Variants in SNX8 observed in about 807,000 individuals in gnomAD.
The protein encoded by SNX8 is sorting nexin 8.
A neutral mutation model predicts 51.6 loss-of-function variants in SNX8; 25 were observed. That is an observed-to-expected ratio of 0.48 (90% CI 0.35 to 0.68). SNX8 has a LOEUF of 0.68. Ranked by LOEUF, SNX8 falls within the 30% of genes least tolerant of loss-of-function variation. SNX8 has a pLI of 0.00. For synonymous variants in SNX8, 324 were observed against 277.0 expected (o/e 1.17, Z -1.68); for missense variants, 695 against 624.0 (o/e 1.11, Z -1.21).
intron 1 of SNX8, among the ~76,000 whole-genome samples, chr7:2,296,611 C>T (rs556214478): frequency 6.6e-6 from 1 of 151,958 alleles, no homozygotes. Context: ...TATTTAATAC[C>T]TTATTTAATG....
intron 1 of SNX8, among the ~76,000 whole-genome samples, chr7:2,286,577 G>A (rs1796034053): frequency 6.6e-6 from 1 of 150,736 alleles, no homozygotes; most frequent in Non-Finnish European, 1.5e-5. Flanking sequence ...GAGTGCAGTG[G>A]CACGATCTCG....
chr7:2,263,441 A>C, intron 6 of SNX8, 79 bp from the exon 7 acceptor site: 1 of 1,406,792 alleles, frequency 7.1e-7, no homozygotes, highest in South Asian at 1.3e-5. Flanking sequence ...ATCCCCCCCG[A>C]CAGATGTCCT....
chr7:2,322,095 T>G (rs929538751), intron 1 of SNX8, among the ~76,000 whole-genome samples: 1 of 152,210 alleles, frequency 6.6e-6, no homozygotes, highest in African/African-American at 2.4e-5. Flanking sequence ...TAATCTGTTT[T>G]TTTGATTCAC....
chr7:2,350,222 G>C (rs1779110541), intron 1 of SNX8, among the ~76,000 whole-genome samples: 1 of 152,134 alleles, frequency 6.6e-6, no homozygotes, highest in South Asian at 2.1e-4. Context: ...ACTCCCCCAA[G>C]CCTGCGAGGT....
intron 1 of SNX8, chr7:2,309,658 G>A: frequency 2.5e-6 from 1 of 392,606 alleles, no homozygotes; most frequent in Non-Finnish European, 5.3e-6. Context: ...TTGAACCCGG[G>A]AGGAGGAGGT....
At chr7:2,278,404 G>T in intron 1 of SNX8, 99 bp from the exon 2 acceptor site, 2 of 707,434 alleles carry the variant, frequency 2.8e-6, no homozygotes, top group Non-Finnish European at 4.6e-6. Context: ...AGCACTTTGG[G>T]AGGCCCAGGA....
chr7:2,269,563 G>C lies in SNX8; in HGVS notation c.617C>G (p.Ala206Gly). The stretch of plus-strand genomic sequence containing the variant: ...AGAAAAAAAAAAGAAAAATACCTTG[G>C]CCCTGGTAGCCAGCTTACAGTTCAG... ...EFLNCKLATR[A>G]KDFLPADIQA... Residue 206 changes from alanine to glycine, a missense_variant, in exon 5 of 11, where the codon GCC becomes GGC. Physicochemically the swap from Ala to Gly is moderately conservative, Grantham distance 60. Coordinates refer to ENST00000222990, the MANE Select transcript of SNX8 (RefSeq NM_013321.4). The C allele has an allele frequency of 6.5e-7, 1 of 1,542,206 alleles. No individual in the cohort carries two copies. The highest frequency in any genetic ancestry group is 8.7e-7 in the Non-Finnish European group (1 of 1,146,710).
chr7:2,314,739 T>G (rs1796727473), upstream of SNX8, among the ~76,000 whole-genome samples: 1 of 152,198 alleles, frequency 6.6e-6, no homozygotes. Context: ...CACCGCACCC[T>G]CATTCACTCC....
intron 1 of SNX8, among the ~76,000 whole-genome samples, chr7:2,323,442 G>A (rs1396885104): frequency 1.3e-5 from 2 of 151,974 alleles, no homozygotes; most frequent in East Asian, 3.9e-4. Context: ...TTTAGGATAG[G>A]CTATATCATG....
chr7:2,278,173 G>A lies in SNX8; in HGVS notation c.227C>T (p.Thr76Ile), dbSNP rs1243751621. ...HTLQELLARD[T>I]VQVELIPEKK... ...CTCCGGAATGAGCTCCACCTGCACG[G>A]TGTCCCTGGCCAGCAGCTCCTGCAG... Residue 76 changes from threonine (T) to isoleucine (I), a missense_variant, in exon 2 of 11, where the codon ACC (threonine) becomes ATC (isoleucine). Coordinates refer to ENST00000222990, the MANE Select transcript of SNX8 (RefSeq NM_013321.4). 1.7e-5 allele frequency: 28 copies of A among 1,614,088 alleles called. No individual in the cohort carries two copies. The highest frequency in any genetic ancestry group is 2.3e-5 in the Non-Finnish European group (27 of 1,180,002).
At chr7:2,257,848 C>T in intron 7 of SNX8, 45 bp from the exon 8 acceptor site, 1 of 1,574,070 alleles carries the variant, frequency 6.4e-7, no homozygotes, top group Non-Finnish European at 8.7e-7. Context: ...CACATAGGAC[C>T]CGGTCCCTGC....
At chr7:2,257,162 A>C (rs1795206610) in intron 9 of SNX8, 139 bp from the exon 10 acceptor site, 3 of 1,226,036 alleles carry the variant, frequency 2.4e-6, no homozygotes, top group Non-Finnish European at 3.3e-6. Flanking sequence ...GTGGCGAGGT[A>C]AGAGAGGGCC....
At chr7:2,288,251 G>C (rs991621677) in intron 1 of SNX8, 1 of 151,578 alleles carries the variant, frequency 6.6e-6, no homozygotes, top group Admixed American at 6.6e-5. Context: ...GGCTGAGGAA[G>C]GAGAATCACT....
chr7:2,345,778 A>C (rs1282056261), intron 1 of SNX8, among the ~76,000 whole-genome samples: 3 of 151,828 alleles, frequency 2.0e-5, no homozygotes, highest in Non-Finnish European at 4.4e-5. Flanking sequence ...GCATCATTAG[A>C]GGATACTGGG....
intron 1 of SNX8, among the ~76,000 whole-genome samples, chr7:2,349,344 C>T (rs1184977334): frequency 1.3e-5 from 2 of 152,126 alleles, no homozygotes; most frequent in East Asian, 3.8e-4. Flanking sequence ...CCATCACCAC[C>T]ACTATCTCCC....
chr7:2,303,250 G>A (rs1166758735), intron 1 of SNX8, among the ~76,000 whole-genome samples: 3 of 142,368 alleles, frequency 2.1e-5, no homozygotes, highest in Admixed American at 6.8e-5. Flanking sequence ...TCAGCCCCCC[G>A]CCCGGCCAGC....
intron 6 of SNX8, 50 bp downstream of exon 6, chr7:2,264,248 G>C (rs1185716288): frequency 6.4e-7 from 1 of 1,559,654 alleles, no homozygotes; most frequent in Admixed American, 1.7e-5. Context: ...CACCAGCATG[G>C]ATTCCCGTCC....
At chr7:2,305,660 G>A (rs1282895398) in intron 1 of SNX8, among the ~76,000 whole-genome samples, 3 of 151,480 alleles carry the variant, frequency 2.0e-5, no homozygotes, top group Non-Finnish European at 2.9e-5. Flanking sequence ...CACCATGCCC[G>A]GCCTGTATTG....
intron 1 of SNX8, among the ~76,000 whole-genome samples, chr7:2,283,441 C>T (rs1356271057): frequency 6.6e-6 from 1 of 152,208 alleles, no homozygotes; most frequent in South Asian, 2.1e-4. Context: ...TTCCCCGTGC[C>T]GATGGAGAGG....
Sources: gnomAD v4.1 joint callset for allele counts (sites outside exome capture counted in the v4.1 genomes callset) on GRCh38, gnomAD v4.1.1 for gene constraint, MANE v1.5 for transcripts, NCBI Gene and HGNC (gene_info 2026-07-23, HGNC 2026-07-21) for gene names.